ARHGAP45: variants seen among roughly 807,000 people sequenced by gnomAD.
ARHGAP45 encodes rho GTPase-activating protein 45.
ARHGAP45 carries 56 observed loss-of-function variants against 116.1 expected under a neutral mutation model. That is an observed-to-expected ratio of 0.48 (90% CI 0.39 to 0.60). ARHGAP45 has a LOEUF of 0.60. ARHGAP45 is among the 20% of genes least tolerant of loss of function. The probability of loss-of-function intolerance (pLI) is 0.00; values close to 1 mark genes in which losing one functional copy is unlikely to be tolerated. For missense variants in ARHGAP45, 1,622 were observed against 1,601.0 expected, an observed-to-expected ratio of 1.01 and a Z score of -0.22; for synonymous variants, 866 against 701.7, an observed-to-expected ratio of 1.23 and a Z score of -3.70.
At position 1,084,485 on chromosome 19, in the gene ARHGAP45, C is replaced by T. The variant is rs1004984273; in HGVS notation, c.3064+139C>T. On this transcript the variant is annotated intron_variant, in intron 22 of 22. Coordinates refer to ENST00000313093, the MANE Select transcript of ARHGAP45 (RefSeq NM_012292.5). ...CTGTGGATTTCGTCTGCCACGGAGA[C>T]CACACCTATGAGCTACTCATTCAGT... 3.3e-5 allele frequency: 21 copies of T among 636,058 alleles called. No homozygotes were observed. In the East Asian group the frequency reaches 5.8e-4, roughly 18 times the overall value. The allele number at this position is 636,058 out of a possible 1,614,324, so 39.4% of individuals were successfully genotyped here. A position where few individuals can be genotyped will look rare whatever the true frequency, so the allele number is the denominator to read the frequency against.
upstream of ARHGAP45, chr19:1,066,626 AGACGGACAGGGCCC>A (rs112131072): frequency 0.18 from 29,661 of 162,120 alleles, 3,443 homozygotes; most frequent in African/African-American, 0.33. Context: ...GTGGGGACCC[AGACGGACAGGGCCC>A]GGTAACCTGG....
In ARHGAP45 at chr19:1,074,847, A is replaced by C; in HGVS notation, c.1153A>C (p.Lys385Gln). Residue 385 changes from lysine (K) to glutamine (Q), a missense_variant, in exon 10 of 23, where the codon AAG becomes CAG. This residue lies in a region of ARHGAP45 where 1,334 missense variants were observed against 1,263.8 expected (regional missense o/e 1.06). Transcript: ENST00000313093. ...ACACGAGAAGCGCAGGAAGGAGATCAAGGAGGCCTGGCACCGTGCCCAGAG... is the reference window on the plus strand; with the variant it reads ...ACACGAGAAGCGCAGGAAGGAGATCCAGGAGGCCTGGCACCGTGCCCAGAG... ...LEHEKRRKEIKEAWHRAQRKL... is the reference protein window; with the variant it reads ...LEHEKRRKEIQEAWHRAQRKL... The C allele has an allele frequency of 7.3e-7, 1 of 1,362,054 alleles. No individual in the cohort carries two copies. The highest frequency in any genetic ancestry group is 9.7e-7 in the Non-Finnish European group (1 of 1,026,494). The allele number at this position is 1,362,054 out of a possible 1,614,324, so 84.4% of individuals were successfully genotyped here.
intron 10 of ARHGAP45, chr19:1,077,574 C>A (rs896231991): frequency 5.9e-6 from 7 of 1,193,396 alleles, no homozygotes; most frequent in Non-Finnish European, 7.8e-6. Context: ...TGGGTAGATA[C>A]GGGGTTTCAC....
In ARHGAP45 at chr19:1,085,896, A is replaced by G. The variant is rs768114956; in HGVS notation, c.3301A>G (p.Asn1101Asp). The change falls in exon 23 of 23, where the codon AAC (asparagine) becomes GAC (aspartate). Residue 1101 changes from asparagine (N) to aspartate (D), a missense_variant. Physicochemically the swap from Asn to Asp is conservative, Grantham distance 23. Coordinates refer to ENST00000313093, the MANE Select transcript of ARHGAP45 (RefSeq NM_012292.5). ...DGPAQQLSGFNTNQSNNVLQA... is the reference protein window; with the variant it reads ...DGPAQQLSGFDTNQSNNVLQA... ...CCCGGCCCAGCAGCTCTCAGGATTC[A>G]ACACCAACCAGTCCAACAACGTGCT... The G allele has an allele frequency of 5.0e-6, 8 of 1,612,884 alleles. No individual in the cohort carries two copies. The highest frequency in any genetic ancestry group is 6.8e-6 in the Non-Finnish European group (8 of 1,179,946).
rs373797070 is a variant in ARHGAP45 at position 1,073,753 on chromosome 19, G to A, written c.723+7G>A. 7.6e-6 allele frequency: 12 copies of A among 1,581,350 alleles called. No homozygotes were observed. In the African/African-American group the frequency reaches 1.6e-4, roughly 21 times the overall value. On this transcript the variant is annotated splice_region_variant and intron_variant, in intron 5 of 22. Coordinates refer to ENST00000313093, the MANE Select transcript of ARHGAP45 (RefSeq NM_012292.5). ...TCCTGGGGACTCGAGCCAGGTGAGT[G>A]GGGTGGGCCAGGGCCACCTGTGTCC... is the stretch of plus-strand genomic sequence containing the variant.
At chr19:1,082,807 C>T in intron 19 of ARHGAP45, 33 bp from the exon 20 acceptor site, 1 of 1,457,150 alleles carries the variant, frequency 6.9e-7, no homozygotes, top group Non-Finnish European at 9.1e-7. Context: ...GGGCCAGGCC[C>T]ACCAACACCT....
rs71174343 is a variant in ARHGAP45 at position 1,076,483 on chromosome 19, CTTTTTTTTTTTTTTTT to C, written c.1186-1359_1186-1344del. 1.0e-3 allele frequency among the ~76,000 whole-genome samples: 67 copies of C among 64,988 alleles called. 1 individual carries two copies. The highest frequency in any genetic ancestry group is 8.0e-3 in the South Asian group (12 of 1,508). 42.6% of individuals were successfully genotyped at this position (64,988 alleles called of 152,430 possible). The stretch of plus-strand genomic sequence containing the variant: ...GAAACCTGTGATTGTTGGCAGTAGT[CTTTTTTTTTTTTTTTT>C]TTTTTTTTTTTTTTGAGACAAGAGC... On this transcript the variant is annotated intron_variant, in intron 10 of 22. Transcript: ENST00000313093.
At position 1,084,307 on chromosome 19, in the gene ARHGAP45, G is replaced by A; in HGVS notation, c.3025G>A (p.Val1009Ile). ...GTACCTGGAGGCGGGCGAGGCGGTG[G>A]TCTACCCGCTGCAGGAGGCGGCGGC... The part of the protein sequence containing the change: ...VPYLEAGEAV[V>I]YPLQEAAADG... The change falls in exon 22 of 23, where the codon GTC (valine) becomes ATC (isoleucine). Residue 1009 changes from valine (V) to isoleucine (I), a missense_variant. By Grantham distance (29) the Val-to-Ile change is conservative. This residue lies in a region of ARHGAP45 where 1,334 missense variants were observed against 1,263.8 expected (regional missense o/e 1.06). Coordinates refer to ENST00000313093, the MANE Select transcript of ARHGAP45 (RefSeq NM_012292.5). 3 of 1,612,168 alleles carry A rather than the reference G, an allele frequency of 1.9e-6. No individual in the cohort carries two copies. The highest frequency in any genetic ancestry group is 2.5e-6 in the Non-Finnish European group (3 of 1,179,244).
In ARHGAP45 at chr19:1,074,805, A is replaced by C. The variant is rs2043208048; in HGVS notation, c.1111A>C (p.Thr371Pro). The change falls in exon 10 of 23, where the codon ACC becomes CCC. Residue 371 changes from threonine (T) to proline (P), a missense_variant. Thr to Pro is a conservative substitution (Grantham distance 38, BLOSUM62 -1). Coordinates refer to ENST00000313093, the MANE Select transcript of ARHGAP45 (RefSeq NM_012292.5). The stretch of plus-strand genomic sequence containing the variant: ...ACGGCCCGTCTCGCCCCAGCCCCTG[A>C]CCCTGCGGCGGCTTGAACACGAGAA... The part of the protein sequence containing the change: ...LQTQTFMQPL[T>P]LRRLEHEKRR... 1 of 1,525,584 alleles carries C rather than the reference A, an allele frequency of 6.6e-7. No individual in the cohort carries two copies. Among genetic ancestry groups the C allele is most frequent in the Non-Finnish European group, 8.9e-7 (1 of 1,129,642 alleles). 94.5% of individuals were successfully genotyped at this position (1,525,584 alleles called of 1,614,324 possible). A position where few individuals can be genotyped will look rare whatever the true frequency, so the allele number is the denominator to read the frequency against.
At chr19:1,072,203 AGAG>A (rs894680547) in intron 2 of ARHGAP45, among the ~76,000 whole-genome samples, 1 of 152,006 alleles carries the variant, frequency 6.6e-6, no homozygotes, top group Non-Finnish European at 1.5e-5. Context: ...CCGGCATTAC[AGAG>A]GAGTGCCACC....
chr19:1,072,058 CTTTT>C (rs67477413), intron 2 of ARHGAP45, among the ~76,000 whole-genome samples: 39,262 of 150,526 alleles, frequency 0.26, 6,345 homozygotes, highest in Middle Eastern at 0.37. Context: ...TTCTTTCTTT[CTTTT>C]CTTTCCTTTC....
rs1432725595 is a variant in ARHGAP45, at chr19:1,069,591, C to T, written c.421+847C>T. On this transcript the variant is annotated intron_variant, in intron 2 of 22. Coordinates refer to ENST00000313093, the MANE Select transcript of ARHGAP45 (RefSeq NM_012292.5). This position sits in a 1 kb window ranked among gnomAD's most constrained non-coding sequence, Gnocchi z 4.1. ...ACTGGACCTCAAGTGGTGGAGTGGC[C>T]TCTGCACCTTCAGGGCACTAGTTGG... Among the ~76,000 whole-genome samples, 5 of 152,328 alleles carry T rather than the reference C, an allele frequency of 3.3e-5. No homozygotes were observed. In the East Asian group the frequency reaches 9.7e-4, roughly 29 times the overall value.
At chr19:1,082,717 A>G (rs1177456043) in intron 19 of ARHGAP45, 123 bp from the exon 20 acceptor site, 3 of 811,542 alleles carry the variant, frequency 3.7e-6, no homozygotes, top group African/African-American at 2.1e-5. Flanking sequence ...TCTGGGTGGA[A>G]CCCGAGCTCG....
upstream of ARHGAP45, chr19:1,066,489 C>T (rs192313707): frequency 3.5e-5 from 13 of 372,230 alleles, no homozygotes; most frequent in East Asian, 5.7e-4. Flanking sequence ...ATGATATGGC[C>T]CACAGGGCTG....
At chr19:1,075,032 C>CCCCG in intron 10 of ARHGAP45, among the ~76,000 whole-genome samples, 153 bp downstream of exon 10, 1 of 133,066 alleles carries the variant, frequency 7.5e-6, no homozygotes, top group African/African-American at 2.6e-5. Context: ...GGGCCGCCCC[C>CCCCG]CCCAACGCCA....
intron 10 of ARHGAP45, chr19:1,077,218 G>T (rs575037276): frequency 6.1e-6 from 6 of 985,230 alleles, no homozygotes; most frequent in Non-Finnish European, 7.2e-6. Flanking sequence ...AAAAGAGCCC[G>T]GAGACGCTCC....
At chr19:1,082,274 G>C (rs2043462071) in intron 19 of ARHGAP45, among the ~76,000 whole-genome samples, 1 of 124,724 alleles carries the variant, frequency 8.0e-6, no homozygotes, top group Non-Finnish European at 1.7e-5. Context: ...GACGCTGTGC[G>C]GGGGCGGGGC....
rs565111789 is a variant in ARHGAP45, at chr19:1,069,347, C to A, written c.421+603C>A. On this transcript the variant is annotated intron_variant, in intron 2 of 22. Coordinates refer to ENST00000313093, the MANE Select transcript of ARHGAP45 (RefSeq NM_012292.5). The surrounding 1 kb of genome is among the most constrained non-coding windows in gnomAD (Gnocchi z 4.1). ...GGCCGCTGACAGCCCTGCTTCCTGCCGAGTTATTTTCATCTGCTTCCTGTT... is the reference window on the plus strand; with the variant it reads ...GGCCGCTGACAGCCCTGCTTCCTGCAGAGTTATTTTCATCTGCTTCCTGTT... Among the ~76,000 whole-genome samples the A allele has an allele frequency of 6.6e-6, 1 of 152,194 alleles. No homozygotes were observed. Among genetic ancestry groups the A allele is most frequent in the African/African-American group, 2.4e-5 (1 of 41,444 alleles).
Position 1,080,668 on chromosome 19 carries a change from T to C in ARHGAP45, c.1913-14T>C, listed in dbSNP as rs1273634319. ...CTGGCTGGGGGAGTCTGAACAGTCC[T>C]GATTCCCGCCCAGGGGACTTTAAGA... is the stretch of plus-strand genomic sequence containing the variant. On this transcript the variant is annotated splice_polypyrimidine_tract_variant and intron_variant, in intron 15 of 22. Transcript: ENST00000313093. The C allele has an allele frequency of 4.3e-6, 7 of 1,612,316 alleles. No homozygotes were observed. Among genetic ancestry groups the C allele is most frequent in the South Asian group, 2.2e-5 (2 of 91,066 alleles).
Sources: allele counts gnomAD v4.1 joint callset (sites outside exome capture counted in the v4.1 genomes callset), GRCh38; gene constraint gnomAD v4.1.1; regional missense constraint gnomAD v4.1.1; non-coding constraint Gnocchi (gnomAD v3.1); transcripts MANE v1.5; gene names NCBI Gene and HGNC (gene_info 2026-07-23, HGNC 2026-07-21).